The following IGSF10 variants were observed in gnomAD, a reference collection of about 807,000 sequenced individuals.
The protein encoded by IGSF10 is immunoglobulin superfamily member 10, also known as calvaria mechanical force protein 608.
A neutral mutation model predicts 128.2 loss-of-function variants in IGSF10; 126 were observed. That is an observed-to-expected ratio of 0.98 (90% CI 0.85 to 1.14). The LOEUF is 1.14. IGSF10 is among the 50% of genes most tolerant of loss of function. IGSF10 has a pLI of 0.00. For missense variants in IGSF10, 3,295 were observed against 3,149.8 expected (o/e 1.05, Z -1.10); for synonymous variants, 1,185 against 1,146.2 (o/e 1.03, Z -0.68).
the IGSF10 span, among the ~76,000 whole-genome samples, chr3:151,605,995 GC>G: frequency 6.6e-6 from 1 of 152,184 alleles, no homozygotes; most frequent in Non-Finnish European, 1.5e-5. Flanking sequence ...TGATAGTGAT[GC>G]TGCTGGTCCA....
chr3:151,502,888 C>A, the IGSF10 span, among the ~76,000 whole-genome samples: 1 of 151,998 alleles, frequency 6.6e-6, no homozygotes, highest in Non-Finnish European at 1.5e-5. Flanking sequence ...CTTTTGTGGC[C>A]TTAGCAAATT....
intron 4 of IGSF10, among the ~76,000 whole-genome samples, chr3:151,456,662 T>C (rs1000611511): frequency 3.9e-5 from 6 of 152,320 alleles, no homozygotes; most frequent in African/African-American, 7.2e-5. Context: ...AAATAGTACA[T>C]TGATTTATAT....
the IGSF10 span, among the ~76,000 whole-genome samples, chr3:151,582,949 C>T: frequency 6.6e-6 from 1 of 152,090 alleles, no homozygotes; most frequent in South Asian, 2.1e-4. Context: ...ATTCTTTATT[C>T]CAGAAAATAT....
chr3:151,540,102 T>C, the IGSF10 span, among the ~76,000 whole-genome samples: 1 of 152,068 alleles, frequency 6.6e-6, no homozygotes, highest in African/African-American at 2.4e-5. Context: ...CAATTAATTG[T>C]CATAAAGAAA....
At chr3:151,502,953 T>C in the IGSF10 span, among the ~76,000 whole-genome samples, 1 of 152,060 alleles carries the variant, frequency 6.6e-6, no homozygotes, top group Admixed American at 6.6e-5. Context: ...TAAAGGGCCT[T>C]CTCTACTTGA....
chr3:151,453,425 C>G lies in IGSF10; in HGVS notation c.674G>C (p.Cys225Ser), dbSNP rs1284107629. The change falls in exon 5 of 8, where the codon TGC becomes TCC. Residue 225 changes from cysteine (C) to serine (S), a missense_variant. Physicochemically the swap from Cys to Ser is moderately radical, Grantham distance 112. Coordinates refer to ENST00000282466, the MANE Select transcript of IGSF10 (RefSeq NM_178822.5). ...YLHGNPWTCD[C>S]HLKWLSDWIQ... is the part of the protein sequence containing the mutation. ...CCAGTCAGACAACCACTTTAAATGG[C>G]AATCACAGGTCCATGGGTTTCCATG... is the stretch of plus-strand genomic sequence containing the variant. The G allele has an allele frequency of 3.0e-5, 49 of 1,607,914 alleles. No homozygotes were observed. Among genetic ancestry groups the G allele is most frequent in the Non-Finnish European group, 3.9e-5 (46 of 1,178,494 alleles).
chr3:151,467,074 T>A, the IGSF10 span, among the ~76,000 whole-genome samples: 1 of 151,918 alleles, frequency 6.6e-6, no homozygotes, highest in Admixed American at 6.5e-5. Context: ...GAATCAAAAA[T>A]TAACTCCTTG....
chr3:151,612,284 C>A, the IGSF10 span, among the ~76,000 whole-genome samples: 1 of 152,080 alleles, frequency 6.6e-6, no homozygotes, highest in African/African-American at 2.4e-5. Flanking sequence ...TATTCAAGCC[C>A]CTTGGATGTG....
At chr3:151,461,517 TATATACAGATAGTA>T, upstream of IGSF10, 1 of 677,672 alleles carries the variant, frequency 1.5e-6, no homozygotes, top group South Asian at 6.6e-5. Context: ...TGTTATGGGC[TATATACAGATAGTA>T]AAATGGTTAC....
Position 151,458,727 on chromosome 3 carries a change from C to T in IGSF10, c.-1-17G>A. The T allele has an allele frequency of 1.2e-6, 2 of 1,605,352 alleles. No homozygotes were observed. The highest frequency in any genetic ancestry group is 1.7e-6 in the Non-Finnish European group (2 of 1,174,898). On this transcript the variant is annotated splice_polypyrimidine_tract_variant and intron_variant, in intron 2 of 7. Transcript: ENST00000282466. Reference sequence around the variant, plus strand: ...ACCTTCATCCTGAAAAAACATCATACCTCAGAGTTATAAAGAGTGGTGGAG... The same window carrying T: ...ACCTTCATCCTGAAAAAACATCATATCTCAGAGTTATAAAGAGTGGTGGAG...
rs573964157 is a variant in IGSF10, at chr3:151,440,619, G to C, written c.5964-2022C>G. 21 of 456,718 alleles carry C rather than the reference G, an allele frequency of 4.6e-5. No homozygotes were observed. In the East Asian group the frequency reaches 1.3e-3, roughly 29 times the overall value. 28.3% of individuals were successfully genotyped at this position (456,718 alleles called of 1,614,324 possible). On this transcript the variant is annotated intron_variant, in intron 7 of 7. Coordinates refer to ENST00000282466, the MANE Select transcript of IGSF10 (RefSeq NM_178822.5). ...TCTCAAGCCTTACGCTTTCCACCATGCTATACTGGCATTCTTTCCTAATGC... is the reference window on the plus strand; with the variant it reads ...TCTCAAGCCTTACGCTTTCCACCATCCTATACTGGCATTCTTTCCTAATGC...
the IGSF10 span, among the ~76,000 whole-genome samples, chr3:151,508,538 T>C: frequency 6.6e-6 from 1 of 152,138 alleles, no homozygotes; most frequent in East Asian, 1.9e-4. Context: ...TATCAAAGAG[T>C]ACAGGTTTTT....
chr3:151,526,624 AG>A, the IGSF10 span, among the ~76,000 whole-genome samples: 2 of 152,034 alleles, frequency 1.3e-5, no homozygotes, highest in Admixed American at 1.3e-4. Flanking sequence ...TAAGTTATTT[AG>A]GTTCTTCTAG....
In IGSF10 at chr3:151,446,530, G is replaced by T. The variant is rs1269550788; in HGVS notation, c.3451C>A (p.Pro1151Thr). 6.2e-7 allele frequency: 1 copy of T among 1,614,116 alleles called. No homozygotes were observed. Among genetic ancestry groups the T allele is most frequent in the Non-Finnish European group, 8.5e-7 (1 of 1,179,972 alleles). ...TTTACTTTGTGAGTTTTTTCCATGG[G>T]TATGGATGTTGGAGCATATGTCATG... ...AVMTYAPTSI[P>T]MEKTHKVNAS... is the part of the protein sequence containing the mutation. The change falls in exon 6 of 8, where the codon CCC becomes ACC. Residue 1151 changes from proline to threonine, a missense_variant. Coordinates refer to ENST00000282466, the MANE Select transcript of IGSF10 (RefSeq NM_178822.5).
upstream of IGSF10, among the ~76,000 whole-genome samples, chr3:151,463,527 T>TTTTTTTTG (rs1560185434): frequency 7.1e-4 from 39 of 55,252 alleles, no homozygotes; most frequent in African/African-American, 2.5e-3. Context: ...TTTCTGGTTT[T>TTTTTTTTG]TTTTTTTTTT....
chr3:151,438,799 G>GATAT lies in IGSF10; in HGVS notation c.5964-206_5964-203dup, dbSNP rs556812838. On this transcript the variant is annotated intron_variant, in intron 7 of 7. Coordinates refer to ENST00000282466, the MANE Select transcript of IGSF10 (RefSeq NM_178822.5). ...TGTGTATATATATACACATATTTGA[G>GATAT]ATATATATATATATACATTTTGAGA... 4.6e-3 allele frequency among the ~76,000 whole-genome samples: 670 copies of GATAT among 144,992 alleles called. 5 individuals carry two copies. The highest frequency in any genetic ancestry group is 0.016 in the African/African-American group (630 of 38,578).
chr3:151,534,195 C>T, the IGSF10 span, among the ~76,000 whole-genome samples: 4 of 152,316 alleles, frequency 2.6e-5, no homozygotes, highest in South Asian at 6.2e-4. Flanking sequence ...AACACTTTTA[C>T]ACTGTTGGTG....
chr3:151,599,640 T>G, the IGSF10 span, among the ~76,000 whole-genome samples: 64 of 152,224 alleles, frequency 4.2e-4, no homozygotes, highest in African/African-American at 1.5e-3. Context: ...CTTTAAACAC[T>G]AATTAAGCAA....
the IGSF10 span, among the ~76,000 whole-genome samples, chr3:151,510,263 CCT>C: frequency 6.6e-6 from 1 of 152,170 alleles, no homozygotes; most frequent in Non-Finnish European, 1.5e-5. Flanking sequence ...GCCGGGTACT[CCT>C]CTGAGACAAA....
Sources: gnomAD v4.1 joint callset for allele counts (sites outside exome capture counted in the v4.1 genomes callset) on GRCh38, gnomAD v4.1.1 for gene constraint, MANE v1.5 for transcripts, NCBI Gene and HGNC (gene_info 2026-07-23, HGNC 2026-07-21) for gene names.